Variants in ANAPC10 observed in about 807,000 individuals in gnomAD.
The protein encoded by ANAPC10 is anaphase-promoting complex subunit 10.
ANAPC10 carries 12 observed loss-of-function variants against 22.0 expected under a neutral mutation model. The observed-to-expected ratio is 0.55, with a 90% CI of 0.35 to 0.88. The LOEUF (loss-of-function observed/expected upper bound fraction) is 0.88. Ranked by LOEUF, ANAPC10 falls within the 40% of genes least tolerant of loss-of-function variation. The pLI is 0.01. For missense variants in ANAPC10, 188 were observed against 220.9 expected, an observed-to-expected ratio of 0.85 and a Z score of 0.94; for synonymous variants, 65 against 69.5, an observed-to-expected ratio of 0.94 and a Z score of 0.32.
intron 4 of ANAPC10, among the ~76,000 whole-genome samples, chr4:144,997,172 T>C (rs557011025): frequency 4.1e-4 from 63 of 152,304 alleles, no homozygotes; most frequent in African/African-American, 1.5e-3. Flanking sequence ...CTTCAGGATA[T>C]TGCCCAGAAG....
chr4:145,008,332 T>G (rs1733750441), intron 4 of ANAPC10, among the ~76,000 whole-genome samples: 1 of 152,196 alleles, frequency 6.6e-6, no homozygotes, highest in South Asian at 2.1e-4. Flanking sequence ...CCTACCTCAT[T>G]TGATGAGGTC....
chr4:145,032,193 A>G (rs533098357), intron 4 of ANAPC10, among the ~76,000 whole-genome samples: 1 of 152,318 alleles, frequency 6.6e-6, no homozygotes, highest in South Asian at 2.1e-4. Flanking sequence ...CTGCAAGTGG[A>G]CAGCTGCAGC....
Position 145,042,495 on chromosome 4 carries a change from C to T in ANAPC10, c.327+22077G>A, listed in dbSNP as rs951708939. On this transcript the variant is annotated intron_variant, in intron 4 of 4. Transcript: ENST00000507656. Reference sequence around the variant, plus strand: ...ATCAATCCTTCTTCACATATATCTTCAACAAAATTTCTCACCTTCAATACT... The same window carrying T: ...ATCAATCCTTCTTCACATATATCTTTAACAAAATTTCTCACCTTCAATACT... Among the ~76,000 whole-genome samples the T allele has an allele frequency of 2.0e-5, 3 of 152,092 alleles. No individual in the cohort carries two copies. The East Asian group carries it at 5.8e-4, about 29-fold the overall frequency.
intron 4 of ANAPC10, among the ~76,000 whole-genome samples, chr4:145,006,688 TA>T (rs1313673129): frequency 1.3e-5 from 2 of 152,178 alleles, no homozygotes; most frequent in Non-Finnish European, 2.9e-5. Flanking sequence ...TTTAAGATAG[TA>T]AGATAACATA....
At chr4:145,078,393 A>C (rs1188403267) in intron 3 of ANAPC10, among the ~76,000 whole-genome samples, 1 of 152,194 alleles carries the variant, frequency 6.6e-6, no homozygotes, top group Non-Finnish European at 1.5e-5. Context: ...AAATGGAAAA[A>C]CATCCCATGC....
chr4:145,065,177 T>C (rs1743497046), intron 3 of ANAPC10, among the ~76,000 whole-genome samples: 1 of 151,990 alleles, frequency 6.6e-6, no homozygotes, highest in Non-Finnish European at 1.5e-5. Flanking sequence ...AACCTAGTTT[T>C]AATGCAAGAA....
intron 4 of ANAPC10, among the ~76,000 whole-genome samples, chr4:145,041,897 T>G (rs1463972153): frequency 6.6e-6 from 1 of 152,138 alleles, no homozygotes; most frequent in South Asian, 2.1e-4. Flanking sequence ...AAACCTGAAA[T>G]TATATCTTTA....
At chr4:145,081,605 G>T in intron 3 of ANAPC10, 55 bp downstream of exon 3, 1 of 1,092,792 alleles carries the variant, frequency 9.2e-7, no homozygotes, top group South Asian at 1.5e-5. Context: ...TAATAAAATA[G>T]ATTTATTTGT....
chr4:145,070,675 T>C (rs1358912881), intron 3 of ANAPC10, among the ~76,000 whole-genome samples: 3 of 152,228 alleles, frequency 2.0e-5, no homozygotes, highest in Non-Finnish European at 4.4e-5. Context: ...AATCAGGTAC[T>C]TGAACAGATA....
intron 4 of ANAPC10, among the ~76,000 whole-genome samples, chr4:145,058,958 C>T (rs775623912): frequency 1.3e-5 from 2 of 152,072 alleles, no homozygotes; most frequent in Non-Finnish European, 2.9e-5. Context: ...CAAAGATGAA[C>T]TAAAGTTAGT....
At chr4:145,036,025 A>G (rs1738472164) in intron 4 of ANAPC10, among the ~76,000 whole-genome samples, 1 of 152,194 alleles carries the variant, frequency 6.6e-6, no homozygotes, top group African/African-American at 2.4e-5. Flanking sequence ...ATTTAGACAT[A>G]TGTTGGTAAC....
At chr4:145,002,792 C>T (rs1381579545) in intron 4 of ANAPC10, among the ~76,000 whole-genome samples, 1 of 152,040 alleles carries the variant, frequency 6.6e-6, no homozygotes, top group African/African-American at 2.4e-5. Flanking sequence ...TACATATGTA[C>T]ATAGTAAAAA....
At chr4:145,019,182 T>C (rs547023238) in intron 4 of ANAPC10, among the ~76,000 whole-genome samples, 9 of 152,222 alleles carry the variant, frequency 5.9e-5, no homozygotes, top group African/African-American at 2.2e-4. Flanking sequence ...TTCTCCAAGA[T>C]GGACCACATG....
chr4:145,045,049 A>G (rs956804418), intron 4 of ANAPC10, among the ~76,000 whole-genome samples: 2 of 152,192 alleles, frequency 1.3e-5, no homozygotes, highest in South Asian at 4.1e-4. Context: ...TAAAAGAATA[A>G]GATTTCTCCC....
At chr4:145,029,293 C>G (rs1203625792) in intron 4 of ANAPC10, among the ~76,000 whole-genome samples, 1 of 152,114 alleles carries the variant, frequency 6.6e-6, no homozygotes, top group Non-Finnish European at 1.5e-5. Flanking sequence ...CTGCCTGAAG[C>G]AACAGTTATG....
intron 4 of ANAPC10, among the ~76,000 whole-genome samples, chr4:145,054,556 C>CAAAA (rs1283371321): frequency 2.9e-5 from 2 of 68,326 alleles, no homozygotes; most frequent in Non-Finnish European, 6.0e-5. Flanking sequence ...GACTCTATCT[C>CAAAA]AAAAAAAAAA....
At chr4:145,060,564 C>T (rs1397421794) in intron 4 of ANAPC10, among the ~76,000 whole-genome samples, 1 of 151,618 alleles carries the variant, frequency 6.6e-6, no homozygotes, top group Non-Finnish European at 1.5e-5. Flanking sequence ...TAAACAAATT[C>T]ATAATTTCTA....
chr4:145,095,751 T>G (rs1347494458), intron 2 of ANAPC10, among the ~76,000 whole-genome samples: 1 of 152,196 alleles, frequency 6.6e-6, no homozygotes, highest in East Asian at 1.9e-4. Flanking sequence ...TGTTCTATTT[T>G]ATTATTAATT....
At chr4:145,054,666 G>A (rs536892528) in intron 4 of ANAPC10, among the ~76,000 whole-genome samples, 62 of 149,854 alleles carry the variant, frequency 4.1e-4, no homozygotes, top group African/African-American at 1.3e-3. Context: ...TGCGTGCAGC[G>A]CATGTGTGTG....
Sources: gnomAD v4.1 joint callset for allele counts (sites outside exome capture counted in the v4.1 genomes callset) on GRCh38, gnomAD v4.1.1 for gene constraint, MANE v1.5 for transcripts, NCBI Gene and HGNC (gene_info 2026-07-23, HGNC 2026-07-21) for gene names.